Variants in BRINP1 observed in about 807,000 individuals in gnomAD.
The protein encoded by BRINP1 is BMP/retinoic acid-inducible neural-specific protein 1.
In BRINP1, 17 loss-of-function variants were observed where a neutral mutation model predicts 72.9. That is an observed-to-expected ratio of 0.23 (90% CI 0.16 to 0.35). The LOEUF (loss-of-function observed/expected upper bound fraction) is 0.35. Ranked by LOEUF, BRINP1 falls within the 10% of genes least tolerant of loss-of-function variation. The probability of loss-of-function intolerance (pLI) is 1.00; values close to 1 mark genes in which losing one functional copy is unlikely to be tolerated. For synonymous variants in BRINP1, 418 were observed against 378.5 expected, an observed-to-expected ratio of 1.10 and a Z score of -1.21; for missense variants, 850 against 1,001.6, an observed-to-expected ratio of 0.85 and a Z score of 2.04.
At chr9:119,304,283 G>A (rs191013414) in intron 2 of BRINP1, among the ~76,000 whole-genome samples, 15 of 152,264 alleles carry the variant, frequency 9.9e-5, no homozygotes, top group Middle Eastern at 3.4e-3. Flanking sequence ...TTTAAGCAAC[G>A]TGCCTAAGAT....
chr9:119,236,333 T>C (rs1174074513), intron 5 of BRINP1, among the ~76,000 whole-genome samples: 2 of 152,136 alleles, frequency 1.3e-5, no homozygotes, highest in African/African-American at 4.8e-5. Flanking sequence ...TCATGGCAGA[T>C]CTAGATTTTG....
chr9:119,185,766 C>G (rs1860640), intron 7 of BRINP1, among the ~76,000 whole-genome samples: 12,873 of 152,240 alleles, frequency 0.085, 824 homozygotes, highest in Admixed American at 0.19. Context: ...GGGCCCTGAG[C>G]CCAGTTTAGG....
At chr9:119,250,217 G>A (rs1830371989) in intron 2 of BRINP1, among the ~76,000 whole-genome samples, 1 of 152,176 alleles carries the variant, frequency 6.6e-6, no homozygotes, top group Non-Finnish European at 1.5e-5. Context: ...CCTGAGGACT[G>A]TTCTAGGATA....
intron 1 of BRINP1, among the ~76,000 whole-genome samples, chr9:119,323,876 A>G (rs1460316409): frequency 1.3e-5 from 2 of 152,230 alleles, no homozygotes; most frequent in African/African-American, 4.8e-5. Context: ...TTTAAATAAA[A>G]TATTTGTTGT....
At chr9:119,358,626 G>A (rs1199484609) in intron 1 of BRINP1, among the ~76,000 whole-genome samples, 5 of 152,132 alleles carry the variant, frequency 3.3e-5, no homozygotes, top group South Asian at 2.1e-4. Context: ...TCCGGAAGGC[G>A]GAGGTTGCAG....
At chr9:119,342,676 C>T (rs1315776204) in intron 1 of BRINP1, among the ~76,000 whole-genome samples, 1 of 152,176 alleles carries the variant, frequency 6.6e-6, no homozygotes, top group Non-Finnish European at 1.5e-5. Context: ...TGTAAGACTA[C>T]CCCGTGAATG....
At chr9:119,326,050 T>C (rs1223235069) in intron 1 of BRINP1, among the ~76,000 whole-genome samples, 1 of 152,218 alleles carries the variant, frequency 6.6e-6, no homozygotes, top group Non-Finnish European at 1.5e-5. Context: ...TATTACTTGC[T>C]AGATACTATG....
intron 2 of BRINP1, among the ~76,000 whole-genome samples, chr9:119,280,145 G>A (rs1309827619): frequency 1.3e-5 from 2 of 152,128 alleles, no homozygotes; most frequent in African/African-American, 2.4e-5. Context: ...AAGAAGTGCA[G>A]GAAATTCATG....
intron 7 of BRINP1, among the ~76,000 whole-genome samples, chr9:119,200,636 G>GAAAAAAAAAAA (rs774466695): frequency 4.0e-4 from 49 of 121,108 alleles, no homozygotes; most frequent in Non-Finnish European, 5.7e-4. Context: ...GAAAAAAAAA[G>GAAAAAAAAAAA]AAAAAAAAAA....
chr9:119,237,284 T>A (rs1014099670), intron 5 of BRINP1, among the ~76,000 whole-genome samples: 1 of 151,982 alleles, frequency 6.6e-6, no homozygotes, highest in African/African-American at 2.4e-5. Context: ...CTAAAATACA[T>A]CATCGGTAAC....
At chr9:119,262,948 T>C (rs547640495) in intron 2 of BRINP1, among the ~76,000 whole-genome samples, 2 of 152,288 alleles carry the variant, frequency 1.3e-5, no homozygotes, top group South Asian at 2.1e-4. Context: ...GAAAACTCTA[T>C]AGACAAAGAA....
intron 2 of BRINP1, among the ~76,000 whole-genome samples, chr9:119,272,443 C>CAT (rs1236152628): frequency 6.6e-6 from 1 of 152,056 alleles, no homozygotes; most frequent in African/African-American, 2.4e-5. Context: ...GTGACCTGCA[C>CAT]ATCCATATTG....
chr9:119,361,879 C>A (rs1211926760), intron 1 of BRINP1, among the ~76,000 whole-genome samples: 2 of 146,826 alleles, frequency 1.4e-5, no homozygotes, highest in African/African-American at 5.0e-5. Flanking sequence ...TCTCAGCTCA[C>A]TGCAACCTCT....
At chr9:119,325,695 T>A (rs968692451) in intron 1 of BRINP1, among the ~76,000 whole-genome samples, 1 of 152,226 alleles carries the variant, frequency 6.6e-6, no homozygotes, top group African/African-American at 2.4e-5. Context: ...TCCTAAGCCC[T>A]TGTTGCCAGA....
intron 2 of BRINP1, among the ~76,000 whole-genome samples, chr9:119,279,561 A>G (rs1294465037): frequency 6.6e-6 from 1 of 152,232 alleles, no homozygotes; most frequent in Non-Finnish European, 1.5e-5. Context: ...ACATGTCTCA[A>G]ATGAAACCCA....
intron 2 of BRINP1, among the ~76,000 whole-genome samples, chr9:119,261,774 T>G (rs902635239): frequency 1.3e-5 from 2 of 151,798 alleles, no homozygotes; most frequent in African/African-American, 4.8e-5. Context: ...CTCTTCCTTC[T>G]TTCCTTCCTT....
chr9:119,270,777 A>C (rs1485327945), intron 2 of BRINP1, among the ~76,000 whole-genome samples: 1 of 152,154 alleles, frequency 6.6e-6, no homozygotes, highest in Non-Finnish European at 1.5e-5. Context: ...TTTGGGGAGA[A>C]AAATGTAAAG....
chr9:119,283,554 A>T (rs907698194), intron 2 of BRINP1, among the ~76,000 whole-genome samples: 28 of 152,272 alleles, frequency 1.8e-4, no homozygotes, highest in Middle Eastern at 6.8e-3. Context: ...TTTTTGACAG[A>T]GTCTCGCTCT....
chr9:119,338,764 G>A (rs1194118522), intron 1 of BRINP1, among the ~76,000 whole-genome samples: 2 of 151,300 alleles, frequency 1.3e-5, no homozygotes, highest in African/African-American at 4.8e-5. Context: ...GCGTGGTGGC[G>A]GGCGCCTGTA....
Sources: gnomAD v4.1 joint callset for allele counts (sites outside exome capture counted in the v4.1 genomes callset) on GRCh38, gnomAD v4.1.1 for gene constraint, MANE v1.5 for transcripts, NCBI Gene and HGNC (gene_info 2026-07-23, HGNC 2026-07-21) for gene names.